AGBL1: variants seen among roughly 807,000 people sequenced by gnomAD.
The protein encoded by AGBL1 is AGBL carboxypeptidase 1, also known as cytosolic carboxypeptidase 4.
In AGBL1, 130 loss-of-function variants were observed where a neutral mutation model predicts 118.9. The observed-to-expected ratio is 1.09, with a 90% CI of 0.95 to 1.26. AGBL1 has a LOEUF of 1.26. AGBL1 is among the 50% of genes most tolerant of loss of function. The pLI, the probability that AGBL1 is intolerant of heterozygous loss-of-function variation, is 0.00. For missense variants in AGBL1, 1,584 were observed against 1,298.1 expected, an observed-to-expected ratio of 1.22 and a Z score of -3.38; for synonymous variants, 555 against 478.9, an observed-to-expected ratio of 1.16 and a Z score of -2.08.
chr15:86,789,623 C>A (rs1261855442), intron 22 of AGBL1, among the ~76,000 whole-genome samples: 1 of 152,176 alleles, frequency 6.6e-6, no homozygotes, highest in African/African-American at 2.4e-5. Flanking sequence ...CCCCGGCCAA[C>A]CTGGATTGCC....
chr15:86,604,094 T>A (rs2084537259), intron 21 of AGBL1, among the ~76,000 whole-genome samples: 1 of 150,610 alleles, frequency 6.6e-6, no homozygotes, highest in South Asian at 2.1e-4. Flanking sequence ...CAAATTGTGT[T>A]AAAATTACAT....
At chr15:86,617,179 A>G (rs1032458903) in intron 21 of AGBL1, among the ~76,000 whole-genome samples, 1 of 152,184 alleles carries the variant, frequency 6.6e-6, no homozygotes, top group Admixed American at 6.5e-5. Flanking sequence ...TCCTGCTTTT[A>G]CACAATTTAT....
intron 21 of AGBL1, among the ~76,000 whole-genome samples, chr15:86,623,949 A>G (rs2084848253): frequency 1.3e-5 from 2 of 152,236 alleles, no homozygotes; most frequent in African/African-American, 4.8e-5. Context: ...GCTGTGCTAA[A>G]TACTTTCATT....
chr15:86,200,359 C>G (rs1331800379), intron 5 of AGBL1, among the ~76,000 whole-genome samples: 3 of 152,088 alleles, frequency 2.0e-5, no homozygotes. Flanking sequence ...AAGATCTTTC[C>G]CAAGTCCACT....
At chr15:86,189,379 T>G (rs1226856659) in intron 5 of AGBL1, among the ~76,000 whole-genome samples, 2 of 152,174 alleles carry the variant, frequency 1.3e-5, no homozygotes, top group Non-Finnish European at 2.9e-5. Flanking sequence ...AGCCTGCTGT[T>G]GCCAGTAAAT....
intron 22 of AGBL1, among the ~76,000 whole-genome samples, chr15:86,839,011 T>C (rs16978023): frequency 0.027 from 4,060 of 149,230 alleles, 180 homozygotes; most frequent in African/African-American, 0.093. Context: ...TTTAATCTCC[T>C]TGGTCAGCAC....
At chr15:86,724,005 G>A (rs2086777849) in intron 22 of AGBL1, among the ~76,000 whole-genome samples, 1 of 152,088 alleles carries the variant, frequency 6.6e-6, no homozygotes, top group Admixed American at 6.5e-5. Context: ...GGAGGCCGAG[G>A]TGGGCGGATC....
chr15:86,781,464 G>A (rs2078335475), intron 22 of AGBL1, among the ~76,000 whole-genome samples: 1 of 152,002 alleles, frequency 6.6e-6, no homozygotes. Flanking sequence ...AATGTATTCT[G>A]AGTGCATGAC....
At chr15:86,741,205 G>A (rs534922040) in intron 22 of AGBL1, among the ~76,000 whole-genome samples, 4 of 151,466 alleles carry the variant, frequency 2.6e-5, no homozygotes, top group South Asian at 2.1e-4. Context: ...AGGACTTTTC[G>A]TTCCAAGGGC....
At chr15:86,218,328 C>T (rs2078222898) in intron 5 of AGBL1, among the ~76,000 whole-genome samples, 1 of 152,046 alleles carries the variant, frequency 6.6e-6, no homozygotes, top group African/African-American at 2.4e-5. Flanking sequence ...ATAGTATTTC[C>T]ACTCTCTGAA....
intron 6 of AGBL1, among the ~76,000 whole-genome samples, chr15:86,235,767 CTT>C (rs1379867512): frequency 1.3e-5 from 2 of 152,220 alleles, no homozygotes; most frequent in Non-Finnish European, 2.9e-5. Flanking sequence ...ACATGAGTGA[CTT>C]TGCCCCAGAG....
chr15:86,716,147 T>C (rs1431607494), intron 22 of AGBL1, among the ~76,000 whole-genome samples: 1 of 152,210 alleles, frequency 6.6e-6, no homozygotes, highest in African/African-American at 2.4e-5. Flanking sequence ...ATCTATATTT[T>C]AAAGTGTGCT....
At chr15:86,496,150 A>G (rs2082852829) in intron 18 of AGBL1, among the ~76,000 whole-genome samples, 1 of 151,992 alleles carries the variant, frequency 6.6e-6, no homozygotes, top group Non-Finnish European at 1.5e-5. Flanking sequence ...GGTTTCCCCC[A>G]TGCTGGTCTC....
chr15:86,237,311 A>C (rs1452925266), intron 6 of AGBL1, among the ~76,000 whole-genome samples: 1 of 152,206 alleles, frequency 6.6e-6, no homozygotes, highest in Non-Finnish European at 1.5e-5. Context: ...GCCTAGAGGC[A>C]CAATGCAGTG....
At chr15:86,616,295 C>A (rs2084720882) in intron 21 of AGBL1, among the ~76,000 whole-genome samples, 1 of 149,528 alleles carries the variant, frequency 6.7e-6, no homozygotes, top group African/African-American at 2.5e-5. Flanking sequence ...CGAGATAGCA[C>A]CACTGCACTC....
intron 18 of AGBL1, among the ~76,000 whole-genome samples, chr15:86,495,572 G>T (rs886658442): frequency 8.6e-5 from 13 of 151,696 alleles, no homozygotes; most frequent in African/African-American, 3.1e-4. Flanking sequence ...ATGCCAGAAG[G>T]TCATGGTAGA....
intron 19 of AGBL1, among the ~76,000 whole-genome samples, chr15:86,528,472 C>A (rs1049392255): frequency 4.0e-5 from 6 of 151,868 alleles, no homozygotes; most frequent in African/African-American, 1.5e-4. Flanking sequence ...CACGGAATCT[C>A]GCTGATTGCT....
chr15:86,711,430 C>T (rs552134350), intron 22 of AGBL1, among the ~76,000 whole-genome samples: 17 of 152,286 alleles, frequency 1.1e-4, no homozygotes, highest in African/African-American at 3.6e-4. Context: ...TTCTCTGCAT[C>T]GTGCCAGCAT....
intron 22 of AGBL1, among the ~76,000 whole-genome samples, chr15:86,828,652 G>A (rs937976441): frequency 2.4e-4 from 37 of 152,044 alleles, no homozygotes; most frequent in African/African-American, 6.5e-4. Flanking sequence ...AGGGACCAGC[G>A]CTTCTGACAC....
Sources: allele counts gnomAD v4.1 joint callset (sites outside exome capture counted in the v4.1 genomes callset), GRCh38; gene constraint gnomAD v4.1.1; transcripts MANE v1.5; gene names NCBI Gene and HGNC (gene_info 2026-07-23, HGNC 2026-07-21).